The following TTC3 variants were observed in gnomAD, a reference collection of about 807,000 sequenced individuals.
The protein encoded by TTC3 is tetratricopeptide repeat domain 3.
In TTC3, 180 loss-of-function variants were observed where a neutral mutation model predicts 249.6. The ratio of observed to expected loss-of-function variants is 0.72; its 90% CI spans 0.64 to 0.82. The LOEUF is 0.82. TTC3 is among the 40% of genes least tolerant of loss of function. TTC3 has a pLI of 0.00. For synonymous variants in TTC3, 717 were observed against 805.0 expected (o/e 0.89, Z 1.85); for missense variants, 2,061 against 2,398.4 (o/e 0.86, Z 2.94).
chr21:37,132,289 C>T (rs765867724), intron 16 of TTC3, among the ~76,000 whole-genome samples: 5 of 151,822 alleles, frequency 3.3e-5, no homozygotes, highest in Non-Finnish European at 7.4e-5. Context: ...CTATCTGTCA[C>T]ATTGGAGGGA....
chr21:37,086,442 C>A (rs1046058887), intron 1 of TTC3: 2 of 118,476 alleles, frequency 1.7e-5, no homozygotes, highest in Non-Finnish European at 4.0e-5. Context: ...GAAGATTCTT[C>A]AGGAAAAAAA....
chr21:37,203,065 T>G (rs1275536942), exon 46 of TTC3: 1 of 152,230 alleles, frequency 6.6e-6, no homozygotes, highest in African/African-American at 2.4e-5. Flanking sequence ...TGCCTTATAT[T>G]TGTCCAACAA....
intron 31 of TTC3, among the ~76,000 whole-genome samples, chr21:37,162,341 G>GA (rs1441405902): frequency 6.6e-6 from 1 of 152,144 alleles, no homozygotes. Context: ...GGCTCTGTGG[G>GA]AAAATCATAG....
intron 13 of TTC3, among the ~76,000 whole-genome samples, 164 bp downstream of exon 13, chr21:37,123,192 C>T (rs2076767549): frequency 6.6e-6 from 1 of 152,124 alleles, no homozygotes; most frequent in Non-Finnish European, 1.5e-5. Flanking sequence ...TATCAGGTGA[C>T]CTGTAAGTTG....
At chr21:37,076,750 T>C (rs2070934905) in intron 1 of TTC3, among the ~76,000 whole-genome samples, 1 of 136,974 alleles carries the variant, frequency 7.3e-6, no homozygotes, top group Non-Finnish European at 1.5e-5. Flanking sequence ...TTGCCCAGGC[T>C]GGAGTGCAAT....
intron 1 of TTC3, among the ~76,000 whole-genome samples, chr21:37,077,065 C>T (rs1433817945): frequency 6.6e-6 from 1 of 151,378 alleles, no homozygotes; most frequent in Non-Finnish European, 1.5e-5. Context: ...ACTTCCCCAT[C>T]CATTTCCTTA....
At chr21:37,135,603 A>G in intron 18 of TTC3, 89 bp downstream of exon 18, 1 of 1,475,046 alleles carries the variant, frequency 6.8e-7, no homozygotes, top group Non-Finnish European at 9.1e-7. Flanking sequence ...TCATTGTAGT[A>G]ATGTACCTAA....
At chr21:37,141,025 T>C (rs1001185434) in intron 20 of TTC3, among the ~76,000 whole-genome samples, 1 of 152,364 alleles carries the variant, frequency 6.6e-6, no homozygotes, top group African/African-American at 2.4e-5. Context: ...TAATTATTTT[T>C]TAAAAATCTG....
intron 37 of TTC3, 73 bp from the exon 38 acceptor site, chr21:37,186,976 C>A: frequency 1.1e-6 from 1 of 891,938 alleles, no homozygotes; most frequent in Non-Finnish European, 1.7e-6. Context: ...AAAGCTCATC[C>A]AGCCTGAAAC....
intron 10 of TTC3, among the ~76,000 whole-genome samples, chr21:37,106,632 C>G (rs577450395): frequency 1.3e-5 from 2 of 152,274 alleles, no homozygotes; most frequent in East Asian, 3.9e-4. Flanking sequence ...TGCCTGTATT[C>G]CCAGCACTTT....
At chr21:37,097,338 T>G (rs1218557542) in intron 10 of TTC3, among the ~76,000 whole-genome samples, 1 of 152,184 alleles carries the variant, frequency 6.6e-6, no homozygotes, top group African/African-American at 2.4e-5. Context: ...GGTAGACTAT[T>G]ATATTTAATT....
intron 21 of TTC3, 123 bp downstream of exon 21, chr21:37,144,768 CT>C: frequency 8.5e-7 from 1 of 1,175,620 alleles, no homozygotes; most frequent in Non-Finnish European, 1.2e-6. Flanking sequence ...CGCATTTCCC[CT>C]CTACTGTCTA....
At chr21:37,195,902 G>A in exon 42 of TTC3, 1 of 1,614,224 alleles carries the variant, frequency 6.2e-7, no homozygotes, top group Non-Finnish European at 8.5e-7. Context: ...AGGCAGCTCT[G>A]TCAGAACGAA....
chr21:37,156,532 A>G, intron 27 of TTC3, 123 bp from the exon 28 acceptor site: 1 of 1,217,860 alleles, frequency 8.2e-7, no homozygotes, highest in Non-Finnish European at 1.1e-6. Context: ...TCAACTATTT[A>G]AATGTTTTTG....
At chr21:37,182,745 T>C (rs1022298950) in intron 35 of TTC3, 29 bp from the exon 36 acceptor site, 19 of 1,547,858 alleles carry the variant, frequency 1.2e-5, no homozygotes, top group Non-Finnish European at 1.7e-5. Flanking sequence ...ATTTTGCCAT[T>C]TATTTAAGTA....
At chr21:37,156,447 CAAG>C (rs891632542) in intron 27 of TTC3, among the ~76,000 whole-genome samples, 6 of 152,146 alleles carry the variant, frequency 3.9e-5, no homozygotes, top group Non-Finnish European at 8.8e-5. Context: ...ATCTAATAGA[CAAG>C]AATTATTATA....
At chr21:37,085,758 T>G (rs944124819) in intron 1 of TTC3, 1 of 152,150 alleles carries the variant, frequency 6.6e-6, no homozygotes, top group Non-Finnish European at 1.5e-5. Flanking sequence ...GTGGCTGGGA[T>G]GATGATAGAA....
chr21:37,087,910 GAAA>G (rs1364283962), intron 3 of TTC3, 35 bp downstream of exon 3: 1 of 1,514,968 alleles, frequency 6.6e-7, no homozygotes, highest in Non-Finnish European at 9.1e-7. Context: ...TTAATTTATG[GAAA>G]GACTACAAAG....
chr21:37,174,433 A>G (rs1352877851), intron 35 of TTC3, among the ~76,000 whole-genome samples: 1 of 152,248 alleles, frequency 6.6e-6, no homozygotes, highest in Non-Finnish European at 1.5e-5. Flanking sequence ...AGAGTAGATG[A>G]GATTTAGCCA....
Sources: gnomAD v4.1 joint callset for allele counts (sites outside exome capture counted in the v4.1 genomes callset) on GRCh38, gnomAD v4.1.1 for gene constraint, MANE v1.5 for transcripts, NCBI Gene and HGNC (gene_info 2026-07-23, HGNC 2026-07-21) for gene names.